The following DOP1B variants were observed in gnomAD, a reference collection of about 807,000 sequenced individuals.
The protein encoded by DOP1B is DOP1 leucine zipper like protein B.
In DOP1B, 174 loss-of-function variants were observed where a neutral mutation model predicts 233.5. That is an observed-to-expected ratio of 0.75 (90% CI 0.66 to 0.85). DOP1B has a LOEUF of 0.85. DOP1B is among the 40% of genes least tolerant of loss of function. The probability of loss-of-function intolerance (pLI) is 0.00; values close to 1 mark genes in which losing one functional copy is unlikely to be tolerated. For synonymous variants in DOP1B, 1,190 were observed against 1,185.6 expected (o/e 1.00, Z -0.08); for missense variants, 2,652 against 2,846.6 (o/e 0.93, Z 1.56).
chr21:36,237,454 C>G (rs752899932), intron 16 of DOP1B, 40 bp downstream of exon 16: 1 of 1,610,352 alleles, frequency 6.2e-7, no homozygotes, highest in African/African-American at 1.3e-5. Flanking sequence ...TGCAGCACCC[C>G]GGCCCCTGCT....
intron 21 of DOP1B, among the ~76,000 whole-genome samples, chr21:36,249,389 G>A (rs1309812807): frequency 6.6e-6 from 1 of 152,168 alleles, no homozygotes; most frequent in African/African-American, 2.4e-5. Context: ...GATCACGCCA[G>A]TGCACTCAAG....
intron 27 of DOP1B, among the ~76,000 whole-genome samples, chr21:36,273,198 G>A (rs1216050179): frequency 1.3e-5 from 2 of 151,722 alleles, no homozygotes; most frequent in Non-Finnish European, 2.9e-5. Flanking sequence ...CCTGAGGTCA[G>A]GAGTTCAAGA....
At chr21:36,169,202 GT>G (rs1254674432) in intron 2 of DOP1B, 1 of 1,040,312 alleles carries the variant, frequency 9.6e-7, no homozygotes, top group Non-Finnish European at 1.5e-6. Context: ...AGAGTTATTG[GT>G]CACTTCACCA....
chr21:36,288,853 AC>A, intron 34 of DOP1B, 42 bp downstream of exon 34: 8 of 1,545,688 alleles, frequency 5.2e-6, no homozygotes, highest in Non-Finnish European at 7.1e-6. Context: ...AAAGATAGTC[AC>A]GATTAAAGCA....
chr21:36,200,328 A>C lies in DOP1B; in HGVS notation c.321-3A>C. On this transcript the variant is annotated splice_region_variant and splice_polypyrimidine_tract_variant and intron_variant, in intron 3 of 36. Coordinates refer to ENST00000691173, the MANE Select transcript of DOP1B (RefSeq NM_001320714.2). ...CCCCGCTCCCTCTCGTTCTTTCTCG[A>C]AGCTGCGGGTTATTTCCTCTCCTGG... The C allele has an allele frequency of 6.3e-7, 1 of 1,583,796 alleles. No homozygotes were observed. Among genetic ancestry groups the C allele is most frequent in the Non-Finnish European group, 8.6e-7 (1 of 1,164,492 alleles).
chr21:36,225,727 G>A (rs2066675298), intron 12 of DOP1B, 60 bp downstream of exon 12: 3 of 1,535,342 alleles, frequency 2.0e-6, no homozygotes, highest in Non-Finnish European at 2.7e-6. Context: ...TACTGGTGGT[G>A]ATGGCCTGCT....
At chr21:36,230,177 A>G (rs536350817) in intron 13 of DOP1B, among the ~76,000 whole-genome samples, 2 of 152,252 alleles carry the variant, frequency 1.3e-5, no homozygotes, top group South Asian at 4.1e-4. Flanking sequence ...TAAAGGGGTT[A>G]TATATTTAGA....
intron 23 of DOP1B, among the ~76,000 whole-genome samples, chr21:36,254,487 T>A (rs2067069511): frequency 6.6e-6 from 1 of 152,008 alleles, no homozygotes; most frequent in African/African-American, 2.4e-5. Flanking sequence ...AGTCCATAGA[T>A]GTGATTAGGC....
intron 4 of DOP1B, among the ~76,000 whole-genome samples, chr21:36,202,193 AAAC>A (rs1272085276): frequency 6.7e-6 from 1 of 148,972 alleles, no homozygotes; most frequent in Non-Finnish European, 1.5e-5. Flanking sequence ...TCTCAGAAAA[AAAC>A]AAACAAACAA....
At chr21:36,197,875 G>A in intron 2 of DOP1B, among the ~76,000 whole-genome samples, 1 of 152,022 alleles carries the variant, frequency 6.6e-6, no homozygotes, top group East Asian at 1.9e-4. Context: ...GCTGGATGTG[G>A]TGGCGTGTGC....
intron 21 of DOP1B, among the ~76,000 whole-genome samples, chr21:36,249,622 ACG>A (rs2123603190): frequency 6.6e-6 from 1 of 150,976 alleles, no homozygotes; most frequent in South Asian, 2.1e-4. Flanking sequence ...TAAACCAAAA[ACG>A]CACAACTGTG....
At chr21:36,183,074 G>A (rs1450684662) in intron 2 of DOP1B, among the ~76,000 whole-genome samples, 2 of 152,170 alleles carry the variant, frequency 1.3e-5, no homozygotes, top group Non-Finnish European at 2.9e-5. Context: ...AGGCCAGAGT[G>A]CAGGAGCTGT....
intron 2 of DOP1B, among the ~76,000 whole-genome samples, chr21:36,182,558 G>T (rs1340763310): frequency 6.6e-6 from 1 of 152,168 alleles, no homozygotes; most frequent in African/African-American, 2.4e-5. Context: ...CACTGGCAGG[G>T]CGTGCTGGTT....
rs777240649 is a variant in DOP1B at position 36,227,789 on chromosome 21, C to T, written c.1577C>T (p.Thr526Met). The change falls in exon 13 of 37, where the codon ACG becomes ATG. Residue 526 changes from threonine (T) to methionine (M), a missense_variant. Coordinates refer to ENST00000691173, the MANE Select transcript of DOP1B (RefSeq NM_001320714.2). ...DMEALSLPEL[T>M]HALKTCFKVL... Reference sequence around the variant, plus strand: ...GAGGCCTTAAGTTTACCTGAACTCACGCATGCCTTGAAGACGTGTTTCAAG... The same window carrying T: ...GAGGCCTTAAGTTTACCTGAACTCATGCATGCCTTGAAGACGTGTTTCAAG... 12 of 1,613,818 alleles carry T rather than the reference C, an allele frequency of 7.4e-6. No individual in the cohort carries two copies. Among genetic ancestry groups the T allele is most frequent in the Admixed American group, 1.7e-5 (1 of 60,004 alleles).
chr21:36,163,785 C>T (rs935988154), intron 1 of DOP1B, among the ~76,000 whole-genome samples: 4 of 152,180 alleles, frequency 2.6e-5, no homozygotes, highest in South Asian at 4.1e-4. Flanking sequence ...TTACAGCATC[C>T]GGGGTTGGCA....
chr21:36,173,236 T>TA (rs1391130135), intron 2 of DOP1B, among the ~76,000 whole-genome samples: 1 of 152,146 alleles, frequency 6.6e-6, no homozygotes, highest in Non-Finnish European at 1.5e-5. Context: ...AACTAAATGT[T>TA]ATAATGCATA....
rs2067377846 is a variant in DOP1B, at chr21:36,278,292, G to A, written c.5906G>A (p.Arg1969Lys). 1.9e-6 allele frequency: 3 copies of A among 1,614,026 alleles called. No homozygotes were observed. Among genetic ancestry groups the A allele is most frequent in the Non-Finnish European group, 2.5e-6 (3 of 1,180,052 alleles). ...SGYAYTKRAW[R>K]KEVLELFLDP... ...TATGCCTACACAAAGCGAGCCTGGA[G>A]GAAGGAGGTCCTGGAGCTGTTTCTC... Residue 1969 changes from arginine (R) to lysine (K), a missense_variant, in exon 30 of 37, where the codon AGG (arginine) becomes AAG (lysine). Physicochemically the swap from Arg to Lys is conservative, Grantham distance 26. Coordinates refer to ENST00000691173, the MANE Select transcript of DOP1B (RefSeq NM_001320714.2).
chr21:36,247,947 A>G (rs1223284200), intron 20 of DOP1B, among the ~76,000 whole-genome samples: 2 of 152,196 alleles, frequency 1.3e-5, no homozygotes, highest in South Asian at 2.1e-4. Flanking sequence ...CCCTTTGCCC[A>G]TTGTTCCATC....
intron 3 of DOP1B, 118 bp from the exon 4 acceptor site, chr21:36,200,213 C>T: frequency 7.5e-7 from 1 of 1,331,796 alleles, no homozygotes; most frequent in Non-Finnish European, 1.0e-6. Context: ...CACATCGAAA[C>T]CAGCAGTTTA....
Sources: gnomAD v4.1 joint callset for allele counts (sites outside exome capture counted in the v4.1 genomes callset) on GRCh38, gnomAD v4.1.1 for gene constraint, MANE v1.5 for transcripts, NCBI Gene and HGNC (gene_info 2026-07-23, HGNC 2026-07-21) for gene names.